Variants in NAA25 observed in about 807,000 individuals in gnomAD.
The protein encoded by NAA25 is N-terminal acetyltransferase B complex subunit NAA25.
NAA25 carries 30 observed loss-of-function variants against 132.5 expected under a neutral mutation model. The ratio of observed to expected loss-of-function variants is 0.23; its 90% CI spans 0.17 to 0.31. NAA25 has a LOEUF of 0.31. Among genes scored for constraint, NAA25 ranks in the 10% least tolerant of loss-of-function variants. NAA25 has a pLI of 1.00. For missense variants in NAA25, 771 were observed against 1,150.4 expected (o/e 0.67, Z 4.77); for synonymous variants, 359 against 401.9 (o/e 0.89, Z 1.28).
rs2078272264 is a variant in NAA25 at position 112,039,481 on chromosome 12, C to T, written c.2539-142G>A. The T allele has an allele frequency of 1.8e-5, 10 of 561,184 alleles. No individual in the cohort carries two copies. In the South Asian group the frequency reaches 2.3e-4, roughly 13 times the overall value. 34.8% of individuals were successfully genotyped at this position (561,184 alleles called of 1,614,324 possible). A position where few individuals can be genotyped will look rare whatever the true frequency, so the allele number is the denominator to read the frequency against. On this transcript the variant is annotated intron_variant, in intron 21 of 23. Transcript: ENST00000261745. Reference sequence around the variant, plus strand: ...ATTTCTCATGTGAATCTCCACTCTACTTTCTGCAATCACTCTACTGATCCA... The same window carrying T: ...ATTTCTCATGTGAATCTCCACTCTATTTTCTGCAATCACTCTACTGATCCA...
intron 11 of NAA25, chr12:112,064,271 G>C (rs1387205597): frequency 2.0e-5 from 3 of 152,246 alleles, no homozygotes; most frequent in African/African-American, 7.2e-5. Context: ...TGTTGCCCAG[G>C]CTGGAGTGCT....
chr12:112,046,439 G>T (rs970279898), intron 17 of NAA25, among the ~76,000 whole-genome samples: 1 of 152,170 alleles, frequency 6.6e-6, no homozygotes, highest in Admixed American at 6.5e-5. Flanking sequence ...GCAACTATAT[G>T]CTCAGCCCTG....
At chr12:112,059,716 T>A (rs769608787) in intron 13 of NAA25, among the ~76,000 whole-genome samples, 2 of 152,214 alleles carry the variant, frequency 1.3e-5, no homozygotes, top group Non-Finnish European at 2.9e-5. Flanking sequence ...TATTTTTTTA[T>A]AGTCATTACT....
At chr12:112,048,491 C>A in intron 15 of NAA25, 48 bp from the exon 16 acceptor site, 1 of 1,537,284 alleles carries the variant, frequency 6.5e-7, no homozygotes, top group South Asian at 1.2e-5. Flanking sequence ...ACAAGTCAGG[C>A]AATGTAAGCA....
intron 1 of NAA25, among the ~76,000 whole-genome samples, chr12:112,093,695 C>T (rs2079170954): frequency 6.6e-6 from 1 of 152,104 alleles, no homozygotes. Context: ...GCTCTGACAA[C>T]TTAGTGAGAC....
intron 1 of NAA25, among the ~76,000 whole-genome samples, chr12:112,095,494 G>C (rs2079199677): frequency 6.6e-6 from 1 of 150,992 alleles, no homozygotes; most frequent in Non-Finnish European, 1.5e-5. Context: ...TATAGTCCCA[G>C]CTACTTGGGA....
In NAA25 at chr12:112,026,886, C is replaced by T. The variant is rs1488915356; in HGVS notation, c.*2645G>A. The T allele has an allele frequency of 6.6e-6, 1 of 152,368 alleles. No homozygotes were observed. Among genetic ancestry groups the T allele is most frequent in the Non-Finnish European group, 1.5e-5 (1 of 68,002 alleles). 9.4% of individuals were successfully genotyped at this position (152,368 alleles called of 1,614,324 possible). On this transcript the variant is annotated 3_prime_UTR_variant, in exon 24 of 24. Transcript: ENST00000261745. ...TTAAAAGTTAAAATGAAAGACAAAT[C>T]CAGATTGAACATAGTGATTGCAAAA...
chr12:112,072,127 T>A, intron 9 of NAA25, 63 bp from the exon 10 acceptor site: 9 of 1,243,618 alleles, frequency 7.2e-6, no homozygotes, highest in East Asian at 2.9e-5. Flanking sequence ...AAGCTTAAAG[T>A]CAAGCCAAAC....
At chr12:112,083,215 C>T (rs1382524247) in intron 4 of NAA25, among the ~76,000 whole-genome samples, 2 of 152,160 alleles carry the variant, frequency 1.3e-5, no homozygotes. Context: ...CACCGTGGCT[C>T]ACGCCTGTAA....
chr12:112,080,000 G>T (rs1324773260), intron 5 of NAA25, among the ~76,000 whole-genome samples: 1 of 152,082 alleles, frequency 6.6e-6, no homozygotes, highest in Admixed American at 6.6e-5. Flanking sequence ...ATACTCAAGG[G>T]CCAGGCGCGG....
chr12:112,038,000 T>A (rs910435871), intron 22 of NAA25, among the ~76,000 whole-genome samples: 1 of 152,104 alleles, frequency 6.6e-6, no homozygotes, highest in Non-Finnish European at 1.5e-5. Flanking sequence ...TTGAGATAAG[T>A]GGAAAACTTT....
chr12:112,052,968 C>T (rs1172002719), intron 15 of NAA25, among the ~76,000 whole-genome samples: 1 of 152,190 alleles, frequency 6.6e-6, no homozygotes, highest in Non-Finnish European at 1.5e-5. Flanking sequence ...TCGGCTTAAC[C>T]AACAAGTAGA....
chr12:112,068,039 C>CT (rs1395129923), intron 11 of NAA25, among the ~76,000 whole-genome samples: 1 of 151,996 alleles, frequency 6.6e-6, no homozygotes, highest in Non-Finnish European at 1.5e-5. Flanking sequence ...CACCCAGCCT[C>CT]TTTTTTTCTT....
At chr12:112,050,328 T>C (rs1451543255) in intron 15 of NAA25, among the ~76,000 whole-genome samples, 1 of 152,126 alleles carries the variant, frequency 6.6e-6, no homozygotes. Context: ...TTAAAGACTT[T>C]TGAATATCAA....
chr12:112,087,102 C>A (rs184855013), intron 4 of NAA25, among the ~76,000 whole-genome samples: 26 of 151,884 alleles, frequency 1.7e-4, no homozygotes, highest in African/African-American at 6.0e-4. Flanking sequence ...GTTAGCTTTA[C>A]CCGCAACCTA....
intron 2 of NAA25, among the ~76,000 whole-genome samples, chr12:112,092,100 G>A (rs753719082): frequency 1.3e-5 from 2 of 152,080 alleles, no homozygotes; most frequent in African/African-American, 2.4e-5. Context: ...AATTAGCCGG[G>A]CGTGGTAGGA....
chr12:112,040,123 T>C (rs1371368474), intron 21 of NAA25: 1 of 171,772 alleles, frequency 5.8e-6, no homozygotes, highest in East Asian at 1.8e-4. Context: ...ATGCATAATA[T>C]CTTAGCAATT....
chr12:112,047,793 G>A lies in NAA25; in HGVS notation c.1881-3C>T. ...TACTTTCTGCTAAACTGGTTGATCT[G>A]TGATAGAGAAAAATCCACATATTAT... On this transcript the variant is annotated splice_region_variant and splice_polypyrimidine_tract_variant and intron_variant, in intron 16 of 23. Coordinates refer to ENST00000261745, the MANE Select transcript of NAA25 (RefSeq NM_024953.4). 6.3e-7 allele frequency: 1 copy of A among 1,591,438 alleles called. No homozygotes were observed. The highest frequency in any genetic ancestry group is 8.5e-7 in the Non-Finnish European group (1 of 1,173,118).
At chr12:112,101,046 A>C (rs756130001) in intron 1 of NAA25, among the ~76,000 whole-genome samples, 2 of 152,140 alleles carry the variant, frequency 1.3e-5, no homozygotes, top group Non-Finnish European at 2.9e-5. Flanking sequence ...GCCTTTGCTT[A>C]CATCCTCAAG....
Sources: allele counts gnomAD v4.1 joint callset (sites outside exome capture counted in the v4.1 genomes callset), GRCh38; gene constraint gnomAD v4.1.1; transcripts MANE v1.5; gene names NCBI Gene and HGNC (gene_info 2026-07-23, HGNC 2026-07-21).